The following CCDC38 variants were observed in gnomAD, a reference collection of about 807,000 sequenced individuals.
CCDC38 encodes coiled-coil domain-containing protein 38.
CCDC38 carries 69 observed loss-of-function variants against 72.8 expected under a neutral mutation model. The observed-to-expected ratio is 0.95, with a 90% CI of 0.78 to 1.16. The LOEUF (loss-of-function observed/expected upper bound fraction) is 1.16. Among genes scored for constraint, CCDC38 ranks in the 50% most tolerant of loss-of-function variants. The pLI, the probability that CCDC38 is intolerant of heterozygous loss-of-function variation, is 0.00. For synonymous variants in CCDC38, 201 were observed against 213.2 expected (o/e 0.94, Z 0.50); for missense variants, 626 against 638.9 (o/e 0.98, Z 0.22).
At chr12:95,934,465 C>T (rs2080369677) in intron 2 of CCDC38, 2 of 152,160 alleles carry the variant, frequency 1.3e-5, no homozygotes, top group South Asian at 2.1e-4. Context: ...GTCTCTGACC[C>T]AAGAGTTTTG....
At chr12:95,890,461 A>G (rs1435269464) in intron 9 of CCDC38, among the ~76,000 whole-genome samples, 2 of 152,218 alleles carry the variant, frequency 1.3e-5, no homozygotes, top group African/African-American at 4.8e-5. Flanking sequence ...ATCACTGGCC[A>G]AAGTCAGTCA....
chr12:95,921,260 C>G (rs922023437), intron 2 of CCDC38, among the ~76,000 whole-genome samples: 1 of 152,150 alleles, frequency 6.6e-6, no homozygotes, highest in Non-Finnish European at 1.5e-5. Flanking sequence ...TTCTTACTTT[C>G]TAACTCTTGG....
In CCDC38 at chr12:95,904,377, G is replaced by A. The variant is rs191660037; in HGVS notation, c.369+2010C>T. Among the ~76,000 whole-genome samples, 371 of 152,314 alleles carry A rather than the reference G, an allele frequency of 2.4e-3. 2 individuals carry two copies. The highest frequency in any genetic ancestry group is 8.7e-3 in the African/African-American group (361 of 41,574). On this transcript the variant is annotated intron_variant, in intron 5 of 15. Coordinates refer to ENST00000344280, the MANE Select transcript of CCDC38 (RefSeq NM_182496.3). ...CTTCTGACACTGACCGCAAGTTTGA[G>A]GGGTTCCCCCAAATACCGTCAGTTT...
chr12:95,888,345 A>C (rs2079783077), intron 10 of CCDC38, 113 bp downstream of exon 10: 3 of 907,822 alleles, frequency 3.3e-6, no homozygotes, highest in Non-Finnish European at 5.3e-6. Flanking sequence ...TACTTCCAGG[A>C]TCTCTTACAA....
At chr12:95,939,830 G>T (rs2080430473) in intron 1 of CCDC38, among the ~76,000 whole-genome samples, 1 of 152,150 alleles carries the variant, frequency 6.6e-6, no homozygotes, top group African/African-American at 2.4e-5. Flanking sequence ...TCTGAGTCAG[G>T]TCTCTTGACA....
chr12:95,920,694 G>A (rs2080195385), intron 2 of CCDC38, among the ~76,000 whole-genome samples: 1 of 152,142 alleles, frequency 6.6e-6, no homozygotes. Context: ...GCTTGGGGCT[G>A]GAGGGTGGAT....
chr12:95,918,772 G>A (rs548566468), intron 3 of CCDC38, 104 bp downstream of exon 3: 3 of 714,960 alleles, frequency 4.2e-6, no homozygotes, highest in African/African-American at 1.8e-5. Context: ...CACCATCTGC[G>A]TCTAGTTGAC....
intron 2 of CCDC38, among the ~76,000 whole-genome samples, chr12:95,932,879 A>G (rs143471435): frequency 0.013 from 1,967 of 152,314 alleles, 41 homozygotes; most frequent in African/African-American, 0.044. Context: ...TTATGGAGCT[A>G]CAGTAAAGGG....
chr12:95,940,962 G>A (rs2080444487), intron 1 of CCDC38, among the ~76,000 whole-genome samples: 1 of 152,172 alleles, frequency 6.6e-6, no homozygotes, highest in African/African-American at 2.4e-5. Flanking sequence ...GTCAGATAAT[G>A]TGAAAAGTAT....
chr12:95,869,959 G>T (rs2079563041), intron 14 of CCDC38, among the ~76,000 whole-genome samples: 1 of 152,032 alleles, frequency 6.6e-6, no homozygotes, highest in South Asian at 2.1e-4. Flanking sequence ...AAGTAGCTGG[G>T]ATTACAGGTG....
In CCDC38 at chr12:95,876,861, T is replaced by C. The variant is rs1412891519; in HGVS notation, c.1278+1350A>G. Among the ~76,000 whole-genome samples the C allele has an allele frequency of 5.3e-5, 8 of 152,332 alleles. No individual in the cohort carries two copies. In the East Asian group the frequency reaches 1.5e-3, roughly 29 times the overall value. On this transcript the variant is annotated intron_variant, in intron 13 of 15. Transcript: ENST00000344280. ...GATGTTGTGGCAGGCCAGGTCTCAC[T>C]AACGCAAGCCTCCTTAACAACTGTT...
intron 2 of CCDC38, chr12:95,934,701 A>C (rs1592810407): frequency 5.9e-5 from 1 of 16,916 alleles, no homozygotes. Flanking sequence ...CACGACATCA[A>C]AAAAAAAAAA....
chr12:95,903,637 A>T (rs77873988), intron 5 of CCDC38: 1 of 534,016 alleles, frequency 1.9e-6, no homozygotes, highest in Non-Finnish European at 3.3e-6. Flanking sequence ...TTCTGCATCA[A>T]TTGGGATAAT....
intron 10 of CCDC38, among the ~76,000 whole-genome samples, chr12:95,882,617 A>T (rs2079713626): frequency 6.6e-6 from 1 of 152,078 alleles, no homozygotes; most frequent in African/African-American, 2.4e-5. Context: ...ATTACAGTCC[A>T]CCCTTCTCTG....
chr12:95,907,486 C>G (rs2080021467), intron 4 of CCDC38, among the ~76,000 whole-genome samples: 1 of 102,738 alleles, frequency 9.7e-6, no homozygotes, highest in African/African-American at 5.1e-5. Context: ...GATGGGGCGG[C>G]TGGCCGGGCA....
At chr12:95,900,568 C>T (rs948554891) in intron 5 of CCDC38, among the ~76,000 whole-genome samples, 5 of 152,156 alleles carry the variant, frequency 3.3e-5, no homozygotes, top group Non-Finnish European at 7.3e-5. Context: ...CCAACCATAG[C>T]AATATTCATT....
rs1287815789 is a variant in CCDC38 at position 95,879,431 on chromosome 12, G to A, written c.1142+213C>T. 3.9e-5 allele frequency among the ~76,000 whole-genome samples: 6 copies of A among 152,106 alleles called. No individual in the cohort carries two copies. The highest frequency in any genetic ancestry group is 7.2e-5 in the African/African-American group (3 of 41,406). On this transcript the variant is annotated intron_variant, in intron 12 of 15. Transcript: ENST00000344280. This position sits in a 1 kb window ranked among gnomAD's most constrained non-coding sequence, Gnocchi z 5.5. ...TTTATTATTACTAGTAGGAAAATAC[G>A]TTGACAAGTGAAAGGAAGTAGGGAC...
intron 1 of CCDC38, among the ~76,000 whole-genome samples, chr12:95,940,902 A>C (rs74677266): frequency 6.6e-6 from 1 of 150,858 alleles, no homozygotes; most frequent in Non-Finnish European, 1.5e-5. Flanking sequence ...AAAAAAAAAA[A>C]CTGGAGGTCA....
intron 2 of CCDC38, chr12:95,934,737 GGT>G (rs2080374231): frequency 6.6e-6 from 1 of 151,640 alleles, no homozygotes; most frequent in Non-Finnish European, 1.5e-5. Flanking sequence ...GGCTGGGTGT[GGT>G]GGCTCACACC....
Sources: allele counts gnomAD v4.1 joint callset (sites outside exome capture counted in the v4.1 genomes callset), GRCh38; gene constraint gnomAD v4.1.1; non-coding constraint Gnocchi (gnomAD v3.1); transcripts MANE v1.5; gene names NCBI Gene and HGNC (gene_info 2026-07-23, HGNC 2026-07-21).